Variants in BPGM observed in about 807,000 individuals in gnomAD.
BPGM encodes bisphosphoglycerate mutase.
BPGM carries 15 observed loss-of-function variants against 21.6 expected under a neutral mutation model. The ratio of observed to expected loss-of-function variants is 0.70; its 90% CI spans 0.47 to 1.07. BPGM has a LOEUF of 1.07. Among genes scored for constraint, BPGM ranks in the 50% least tolerant of loss-of-function variants. The pLI, the probability that BPGM is intolerant of heterozygous loss-of-function variation, is 0.00. For missense variants in BPGM, 273 were observed against 319.0 expected, an observed-to-expected ratio of 0.86 and a Z score of 1.10; for synonymous variants, 113 against 116.2, an observed-to-expected ratio of 0.97 and a Z score of 0.18.
rs572920466 is a variant in BPGM at position 134,676,585 on chromosome 7, T to C, written c.602-2268T>C. Among the ~76,000 whole-genome samples, 95 of 152,334 alleles carry C rather than the reference T, an allele frequency of 6.2e-4. 3 individuals are homozygous for C. In the South Asian group the frequency reaches 0.013, roughly 20 times the overall value. On this transcript the variant is annotated intron_variant, in intron 2 of 2. Transcript: ENST00000344924. Reference sequence around the variant, plus strand: ...TGCTCTTGTGTCTCTAAGGTGCCTCTGCTTTTCTTAACCATTAAGAATAAA... The same window carrying C: ...TGCTCTTGTGTCTCTAAGGTGCCTCCGCTTTTCTTAACCATTAAGAATAAA...
At chr7:134,648,153 C>T (rs11976740) in intron 1 of BPGM, among the ~76,000 whole-genome samples, 113 of 144,108 alleles carry the variant, frequency 7.8e-4, no homozygotes, top group South Asian at 1.5e-3. Flanking sequence ...GTTTTGTTTT[C>T]AGACGGAGTT....
At chr7:134,652,720 C>T (rs572019820) in intron 1 of BPGM, among the ~76,000 whole-genome samples, 4 of 152,282 alleles carry the variant, frequency 2.6e-5, no homozygotes, top group Middle Eastern at 3.4e-3. Flanking sequence ...TGAGTGAAAA[C>T]ATGTGAAATT....
At chr7:134,666,014 A>AAG in intron 2 of BPGM, among the ~76,000 whole-genome samples, 1 of 151,936 alleles carries the variant, frequency 6.6e-6, no homozygotes, top group Admixed American at 6.6e-5. Flanking sequence ...AGTAGCTAGG[A>AAG]TTATAGGTGT....
chr7:134,665,397 A>G (rs112339116), intron 2 of BPGM, among the ~76,000 whole-genome samples: 1 of 55,680 alleles, frequency 1.8e-5, no homozygotes, highest in Non-Finnish European at 2.8e-5. Context: ...TCTCACTCAT[A>G]GGTGGGAATT....
chr7:134,663,790 T>C (rs1448134653), intron 2 of BPGM, among the ~76,000 whole-genome samples: 1 of 152,230 alleles, frequency 6.6e-6, no homozygotes, highest in East Asian at 1.9e-4. Context: ...CCATTGACTC[T>C]TCACCTATCT....
Position 134,670,729 on chromosome 7 carries a change from A to G in BPGM, c.602-8124A>G, listed in dbSNP as rs190119133. On this transcript the variant is annotated intron_variant, in intron 2 of 2. Transcript: ENST00000344924. ...GATTGTCGGTGGGGTTTGAATTGTG[A>G]CTTACTTGACCAGGAGAGGAAAGTG... Among the ~76,000 whole-genome samples the G allele has an allele frequency of 3.4e-3, 522 of 152,290 alleles. 3 individuals are homozygous for G. Among genetic ancestry groups the G allele is most frequent in the African/African-American group, 0.012 (494 of 41,562 alleles).
chr7:134,654,813 A>G (rs1162169251), intron 1 of BPGM, among the ~76,000 whole-genome samples: 1 of 152,168 alleles, frequency 6.6e-6, no homozygotes, highest in Non-Finnish European at 1.5e-5. Flanking sequence ...ACTAACCTGT[A>G]GTCTTTTGAG....
intron 2 of BPGM, among the ~76,000 whole-genome samples, chr7:134,668,042 G>T (rs929991869): frequency 2.0e-5 from 3 of 146,624 alleles, no homozygotes; most frequent in Non-Finnish European, 3.0e-5. Flanking sequence ...CTCCTCTTAG[G>T]TCTAGTCTTA....
chr7:134,655,015 G>C (rs1006275992), intron 1 of BPGM, among the ~76,000 whole-genome samples: 2 of 152,152 alleles, frequency 1.3e-5, no homozygotes, highest in Non-Finnish European at 2.9e-5. Context: ...CACCCTGGGG[G>C]ATAAATCAAT....
At position 134,661,991 on chromosome 7, in the gene BPGM, C is replaced by T. The variant is rs142455208; in HGVS notation, c.484C>T (p.Leu162=). The change falls in exon 2 of 3, where the codon CTG becomes TTG. Residue 162 remains leucine, a synonymous_variant. Transcript: ENST00000344924. The surrounding 1 kb of genome is among the most constrained non-coding windows in gnomAD (Gnocchi z 4.6). The part of the protein sequence containing the change: ...LPRSESLKDV[L]ERLLPYWNER... ...ACGGTCGGAAAGCTTAAAGGATGTT[C>T]TGGAGAGACTCCTTCCCTATTGGAA... 2 of 1,614,038 alleles carry T rather than the reference C, an allele frequency of 1.2e-6. No individual in the cohort carries two copies. Among genetic ancestry groups the T allele is most frequent in the South Asian group, 1.1e-5 (1 of 91,082 alleles).
intron 2 of BPGM, among the ~76,000 whole-genome samples, chr7:134,672,674 T>TTTC (rs1472798109): frequency 3.9e-5 from 6 of 152,074 alleles, no homozygotes; most frequent in Non-Finnish European, 8.8e-5. Context: ...ACAACTTGGA[T>TTTC]CAAAAATACT....
chr7:134,647,753 G>GT (rs1243651333), intron 1 of BPGM, among the ~76,000 whole-genome samples: 3 of 152,118 alleles, frequency 2.0e-5, no homozygotes, highest in Non-Finnish European at 2.9e-5. Flanking sequence ...GGTACTAAAG[G>GT]TTTTTTAATA....
intron 2 of BPGM, among the ~76,000 whole-genome samples, chr7:134,673,903 C>CTTT (rs11408520): frequency 8.2e-6 from 1 of 122,210 alleles, no homozygotes; most frequent in Non-Finnish European, 1.7e-5. Flanking sequence ...GATCTGTTTC[C>CTTT]TTTTTTTTTT....
intron 2 of BPGM, among the ~76,000 whole-genome samples, chr7:134,668,920 TG>T (rs1176142110): frequency 5.3e-5 from 8 of 152,122 alleles, no homozygotes; most frequent in Non-Finnish European, 7.4e-5. Flanking sequence ...AGTAGGCTGC[TG>T]GGGGCACAAG....
chr7:134,668,378 A>T (rs1018856275), intron 2 of BPGM, among the ~76,000 whole-genome samples: 4 of 152,208 alleles, frequency 2.6e-5, no homozygotes, highest in Non-Finnish European at 2.9e-5. Context: ...TGTTTGGAAT[A>T]CTGTGTTTTA....
intron 2 of BPGM, among the ~76,000 whole-genome samples, chr7:134,678,363 G>C (rs1796011955): frequency 6.6e-6 from 1 of 152,176 alleles, no homozygotes. Context: ...ATCTAGCTCA[G>C]GGTATTGCAA....
rs79084480 is a variant in BPGM at position 134,652,463 on chromosome 7, T to G, written c.-62+5526T>G. 7.0e-3 allele frequency among the ~76,000 whole-genome samples: 1,061 copies of G among 152,310 alleles called. 9 individuals carry two copies. Among genetic ancestry groups the G allele is most frequent in the African/African-American group, 0.024 (1,012 of 41,568 alleles). On this transcript the variant is annotated intron_variant, in intron 1 of 2. Transcript: ENST00000344924. ...TTACCTCATGCATTTGTCTATTACC[T>G]CATGCATTTATTTTTTGTGTGTTGG...
intron 2 of BPGM, among the ~76,000 whole-genome samples, chr7:134,673,612 C>T (rs1022950101): frequency 1.3e-5 from 2 of 152,208 alleles, no homozygotes; most frequent in Admixed American, 6.5e-5. Flanking sequence ...CCATCATAAT[C>T]GCAGTGTGTT....
intron 2 of BPGM, among the ~76,000 whole-genome samples, chr7:134,672,260 A>G (rs533605921): frequency 2.9e-5 from 4 of 138,374 alleles, no homozygotes; most frequent in Admixed American, 1.4e-4. Context: ...AGTATTTAAC[A>G]CAGACTTAAA....
Sources: allele counts gnomAD v4.1 joint callset (sites outside exome capture counted in the v4.1 genomes callset), GRCh38; gene constraint gnomAD v4.1.1; non-coding constraint Gnocchi (gnomAD v3.1); transcripts MANE v1.5; gene names NCBI Gene and HGNC (gene_info 2026-07-23, HGNC 2026-07-21).